Variants in MGMT observed in about 807,000 individuals in gnomAD.
MGMT encodes O-6-methylguanine-DNA methyltransferase, also known as methylated-DNA--protein-cysteine methyltransferase.
Under a neutral mutation model 15.9 loss-of-function variants are expected in MGMT, and 14 were observed. The ratio of observed to expected loss-of-function variants is 0.88; its 90% CI spans 0.58 to 1.37. The LOEUF (loss-of-function observed/expected upper bound fraction) is 1.37, where lower values mean the gene tolerates loss of function less well. Among genes scored for constraint, MGMT ranks in the 40% most tolerant of loss-of-function variants. The probability of loss-of-function intolerance (pLI) is 0.00; values close to 1 mark genes in which losing one functional copy is unlikely to be tolerated. For missense variants in MGMT, 282 were observed against 268.1 expected (o/e 1.05, Z -0.36); for synonymous variants, 130 against 118.2 (o/e 1.10, Z -0.65).
chr10:129,751,571 C>G (rs1589975886), intron 3 of MGMT, among the ~76,000 whole-genome samples: 2 of 151,272 alleles, frequency 1.3e-5, no homozygotes, highest in East Asian at 3.9e-4. Context: ...GTTTATTTTT[C>G]TCTTCTTTTT....
intron 2 of MGMT, among the ~76,000 whole-genome samples, chr10:129,604,342 C>T (rs1049503200): frequency 1.3e-5 from 2 of 152,128 alleles, no homozygotes; most frequent in Non-Finnish European, 1.5e-5. Context: ...CCTGTTGTTA[C>T]ACTCAGAAAA....
At chr10:129,497,141 T>G (rs1845529742) in intron 1 of MGMT, among the ~76,000 whole-genome samples, 1 of 152,242 alleles carries the variant, frequency 6.6e-6, no homozygotes, top group African/African-American at 2.4e-5. Flanking sequence ...CAGCTGACAC[T>G]AATCTTAATT....
At chr10:129,634,687 C>T (rs1847246480) in intron 2 of MGMT, among the ~76,000 whole-genome samples, 1 of 151,716 alleles carries the variant, frequency 6.6e-6, no homozygotes, top group African/African-American at 2.4e-5. Context: ...CTCTTTGGAT[C>T]TTTTTTTTAC....
At chr10:129,754,282 C>T (rs542378121) in intron 3 of MGMT, among the ~76,000 whole-genome samples, 3 of 152,320 alleles carry the variant, frequency 2.0e-5, no homozygotes, top group Admixed American at 1.3e-4. Context: ...CCTGGACAGA[C>T]AGCTGGGGCT....
At chr10:129,709,659 G>A (rs1019716452) in intron 3 of MGMT, among the ~76,000 whole-genome samples, 4 of 152,094 alleles carry the variant, frequency 2.6e-5, no homozygotes, top group Admixed American at 6.5e-5. Context: ...CTGGGAGAAT[G>A]AGCCTGCAAA....
chr10:129,551,205 A>C (rs1261509882), intron 2 of MGMT, among the ~76,000 whole-genome samples: 1 of 152,208 alleles, frequency 6.6e-6, no homozygotes, highest in African/African-American at 2.4e-5. Flanking sequence ...AGTACATGCA[A>C]AGTGCACTGT....
chr10:129,601,688 C>T (rs556538401), intron 2 of MGMT, among the ~76,000 whole-genome samples: 1 of 152,306 alleles, frequency 6.6e-6, no homozygotes, highest in African/African-American at 2.4e-5. Context: ...AGACATATGT[C>T]CCTTCTAAGT....
intron 2 of MGMT, among the ~76,000 whole-genome samples, chr10:129,688,436 G>A (rs1443809212): frequency 1.3e-5 from 2 of 152,166 alleles, no homozygotes; most frequent in East Asian, 3.8e-4. Context: ...TTTCTCTGAT[G>A]GCCAGTGATG....
intron 2 of MGMT, among the ~76,000 whole-genome samples, chr10:129,692,177 C>A (rs1479858332): frequency 2.6e-5 from 4 of 152,140 alleles, no homozygotes; most frequent in Admixed American, 1.3e-4. Context: ...GGAGATGATA[C>A]AGACTCAGAG....
At chr10:129,647,629 T>G (rs1055482070) in intron 2 of MGMT, among the ~76,000 whole-genome samples, 1 of 152,212 alleles carries the variant, frequency 6.6e-6, no homozygotes, top group Admixed American at 6.5e-5. Context: ...TGAACAATAA[T>G]CTTTGTAAAT....
chr10:129,646,754 A>ATATATATATATATTTTTTTTTTTTTTT lies in MGMT; in HGVS notation c.126-61140_126-61139insATATATATATATTTTTTTTTTTTTTTT. Among the ~76,000 whole-genome samples, 217 of 86,252 alleles carry ATATATATATATATTTTTTTTTTTTTTT rather than the reference A, an allele frequency of 2.5e-3. 1 individual carries two copies. The highest frequency in any genetic ancestry group is 4.1e-3 in the Non-Finnish European group (160 of 38,608). 56.6% of individuals were successfully genotyped at this position (86,252 alleles called of 152,430 possible). A position where few individuals can be genotyped will look rare whatever the true frequency, so the allele number is the denominator to read the frequency against. On this transcript the variant is annotated intron_variant, in intron 2 of 4. Transcript: ENST00000651593. ...TATATATATATATATATATATATAT[A>ATATATATATATATTTTTTTTTTTTTTT]TTTTCAGGGAATGGTAGAGAACAGT...
chr10:129,577,757 G>A (rs1225510807), intron 2 of MGMT, among the ~76,000 whole-genome samples: 4 of 152,056 alleles, frequency 2.6e-5, no homozygotes, highest in African/African-American at 7.2e-5. Context: ...GCAACCTACA[G>A]AATAGGAGAA....
chr10:129,548,209 GGTGT>G (rs1846117965), intron 2 of MGMT, among the ~76,000 whole-genome samples: 1 of 152,198 alleles, frequency 6.6e-6, no homozygotes, highest in Non-Finnish European at 1.5e-5. Context: ...ATAGAAAAAT[GGTGT>G]GTGTAAGTAG....
chr10:129,584,850 T>C (rs1846600761), intron 2 of MGMT, among the ~76,000 whole-genome samples: 1 of 152,240 alleles, frequency 6.6e-6, no homozygotes, highest in Non-Finnish European at 1.5e-5. Context: ...TATCCCATCA[T>C]GTGGATGAAC....
At chr10:129,509,403 T>C (rs1400884557) in intron 1 of MGMT, among the ~76,000 whole-genome samples, 1 of 152,134 alleles carries the variant, frequency 6.6e-6, no homozygotes, top group Non-Finnish European at 1.5e-5. Flanking sequence ...TGCATTAGTG[T>C]GGTTGGGCTC....
chr10:129,601,297 C>G (rs1489735276), intron 2 of MGMT, among the ~76,000 whole-genome samples: 2 of 152,114 alleles, frequency 1.3e-5, no homozygotes, highest in Non-Finnish European at 2.9e-5. Context: ...GTTTCTCTTC[C>G]AGGGCTTGTG....
chr10:129,702,488 C>T (rs554028320), intron 2 of MGMT, among the ~76,000 whole-genome samples: 50 of 152,310 alleles, frequency 3.3e-4, no homozygotes, highest in African/African-American at 1.1e-3. Context: ...CTCTGATGGG[C>T]TCTGAGTGTT....
intron 3 of MGMT, among the ~76,000 whole-genome samples, chr10:129,730,174 C>T (rs1382725737): frequency 6.6e-6 from 1 of 152,150 alleles, no homozygotes; most frequent in Non-Finnish European, 1.5e-5. Flanking sequence ...TACTTAGGTT[C>T]TTTGGGGAGG....
At chr10:129,600,583 A>C (rs1846808840) in intron 2 of MGMT, among the ~76,000 whole-genome samples, 1 of 152,232 alleles carries the variant, frequency 6.6e-6, no homozygotes, top group African/African-American at 2.4e-5. Context: ...TTCTTTGCTC[A>C]TTGAGCTAGC....
Sources: gnomAD v4.1 joint callset for allele counts (sites outside exome capture counted in the v4.1 genomes callset) on GRCh38, gnomAD v4.1.1 for gene constraint, MANE v1.5 for transcripts, NCBI Gene and HGNC (gene_info 2026-07-23, HGNC 2026-07-21) for gene names.